The following MAPK14 variants were observed in gnomAD, a reference collection of about 807,000 sequenced individuals.
MAPK14 encodes the protein CSAID-binding protein.
MAPK14 carries 16 observed loss-of-function variants against 49.6 expected under a neutral mutation model. The observed-to-expected ratio is 0.32, with a 90% confidence interval of 0.22 to 0.49. The LOEUF (loss-of-function observed/expected upper bound fraction) is 0.49. MAPK14 is among the 20% of genes least tolerant of loss of function. The pLI is 0.99. For synonymous variants in MAPK14, 142 were observed against 158.0 expected (o/e 0.90, Z 0.76); for missense variants, 200 against 441.2 (o/e 0.45, Z 4.90).
At chr6:36,069,325 A>T (rs959880749) in intron 3 of MAPK14, among the ~76,000 whole-genome samples, 42 of 152,192 alleles carry the variant, frequency 2.8e-4, no homozygotes, top group Non-Finnish European at 1.9e-4. Flanking sequence ...TTCCATAAAC[A>T]ATCAGCAACT....
intron 10 of MAPK14, among the ~76,000 whole-genome samples, chr6:36,104,515 G>A (rs762602828): frequency 5.3e-5 from 8 of 152,096 alleles, no homozygotes; most frequent in Non-Finnish European, 1.0e-4. Context: ...AGCCTCCTGA[G>A]TAGCTGGGAA....
chr6:36,043,410 C>T (rs530798768), intron 1 of MAPK14, among the ~76,000 whole-genome samples: 4 of 152,066 alleles, frequency 2.6e-5, no homozygotes, highest in Non-Finnish European at 2.9e-5. Flanking sequence ...AACTTAAGTT[C>T]CAATTTTTGC....
chr6:36,096,707 GT>G (rs1190941304), intron 9 of MAPK14: 1 of 152,220 alleles, frequency 6.6e-6, no homozygotes, highest in Admixed American at 6.5e-5. Flanking sequence ...CAGGAATGTG[GT>G]TATAAATTTT....
intron 3 of MAPK14, among the ~76,000 whole-genome samples, chr6:36,067,635 T>C (rs1406208485): frequency 1.3e-5 from 2 of 152,190 alleles, no homozygotes; most frequent in East Asian, 3.8e-4. Context: ...AGGGCATCTT[T>C]TAGTAATCTT....
At chr6:36,094,735 C>G (rs1038197594) in intron 8 of MAPK14, among the ~76,000 whole-genome samples, 2 of 152,194 alleles carry the variant, frequency 1.3e-5, no homozygotes, top group African/African-American at 4.8e-5. Context: ...GGTGAAGAGG[C>G]AGAGTGGCCC....
downstream of MAPK14, among the ~76,000 whole-genome samples, chr6:36,111,929 G>A (rs1210502550): frequency 2.6e-5 from 4 of 152,156 alleles, no homozygotes; most frequent in Non-Finnish European, 5.9e-5. Context: ...ACAGTTGGCC[G>A]GGCGTGGTGG....
intron 8 of MAPK14, among the ~76,000 whole-genome samples, chr6:36,080,272 A>G (rs1335873150): frequency 6.6e-6 from 1 of 152,202 alleles, no homozygotes; most frequent in Admixed American, 6.5e-5. Flanking sequence ...ATTCAGCGGC[A>G]TTAATTACAT....
intron 8 of MAPK14, among the ~76,000 whole-genome samples, chr6:36,087,488 G>C (rs995008451): frequency 2.0e-5 from 3 of 152,064 alleles, no homozygotes; most frequent in African/African-American, 7.2e-5. Context: ...TACACCAACA[G>C]TAGGCAAGCA....
Position 36,055,777 on chromosome 6 carries a change from T to TA in MAPK14, c.246+2963dup, listed in dbSNP as rs1175550773. ...CAAAAACCAGTCTCTATTATTATAT[T>TA]AAAAAAAAAAAAAAGAAATGAGAAA... On this transcript the variant is annotated intron_variant, in intron 2 of 11. Transcript: ENST00000229794. Among the ~76,000 whole-genome samples, 704 of 138,680 alleles carry TA rather than the reference T, an allele frequency of 5.1e-3. 5 individuals carry two copies. The highest frequency in any genetic ancestry group is 0.018 in the Middle Eastern group (5 of 272). 91.0% of individuals were successfully genotyped at this position (138,680 alleles called of 152,430 possible). A position where few individuals can be genotyped will look rare whatever the true frequency, so the allele number is the denominator to read the frequency against.
rs41270086 is a variant in MAPK14, at chr6:36,095,945, T to C, written c.683-42T>C. The C allele has an allele frequency of 8.4e-3, 10,307 of 1,231,154 alleles. 54 individuals carry two copies. The highest frequency in any genetic ancestry group is 0.014 in the South Asian group (1,138 of 80,126). The allele number at this position is 1,231,154 out of a possible 1,614,324, so 76.3% of individuals were successfully genotyped here. ...TTGTTTGTCATTGTTTGTTTTTCAT[T>C]TTTATTTTGTCCCAACATTTTCCTT... On this transcript the variant is annotated intron_variant, in intron 8 of 11. Coordinates refer to ENST00000229794, the MANE Select transcript of MAPK14 (RefSeq NM_139012.3).
chr6:36,061,497 A>G (rs762241102), intron 3 of MAPK14, among the ~76,000 whole-genome samples: 141 of 152,356 alleles, frequency 9.3e-4, no homozygotes, highest in Middle Eastern at 6.8e-3. Flanking sequence ...TATTCAATAA[A>G]TACTATGGCT....
At chr6:36,071,880 T>A (rs1764289381) in intron 3 of MAPK14, among the ~76,000 whole-genome samples, 3 of 152,200 alleles carry the variant, frequency 2.0e-5, no homozygotes, top group African/African-American at 7.2e-5. Flanking sequence ...TTCTCTTTTA[T>A]TTTTTGTAGA....
At chr6:36,073,923 G>A in intron 5 of MAPK14, 126 bp from the exon 6 acceptor site, 3 of 882,060 alleles carry the variant, frequency 3.4e-6, no homozygotes, top group Non-Finnish European at 5.6e-6. Context: ...ATTGACTGTA[G>A]GATGGAGATT....
chr6:36,108,525 C>A lies in MAPK14; in HGVS notation c.*78C>A. The A allele has an allele frequency of 1.7e-6, 2 of 1,164,394 alleles. No individual in the cohort carries two copies. The highest frequency in any genetic ancestry group is 2.6e-6 in the Non-Finnish European group (2 of 771,686). 72.1% of individuals were successfully genotyped at this position (1,164,394 alleles called of 1,614,324 possible). Reference sequence around the variant, plus strand: ...TCACGGGAACTCTCCAAATATTATTCAAGTGCCTCTTGTTGCAGAGATTTC... The same window carrying A: ...TCACGGGAACTCTCCAAATATTATTAAAGTGCCTCTTGTTGCAGAGATTTC... On this transcript the variant is annotated 3_prime_UTR_variant, in exon 12 of 12. Transcript: ENST00000229794.
At chr6:36,084,413 G>C (rs1050896267) in intron 8 of MAPK14, among the ~76,000 whole-genome samples, 3 of 152,196 alleles carry the variant, frequency 2.0e-5, no homozygotes, top group Non-Finnish European at 4.4e-5. Flanking sequence ...AGCTAAAGGA[G>C]CATGTTCTAA....
chr6:36,105,405 G>A (rs1765769740), intron 10 of MAPK14, among the ~76,000 whole-genome samples: 1 of 138,894 alleles, frequency 7.2e-6, no homozygotes, highest in Non-Finnish European at 1.6e-5. Context: ...GCCATGCCCA[G>A]CTAATAAGAT....
chr6:36,101,075 C>A (rs1415153114), intron 9 of MAPK14, among the ~76,000 whole-genome samples: 1 of 152,182 alleles, frequency 6.6e-6, no homozygotes, highest in African/African-American at 2.4e-5. Context: ...CTAAAACTTT[C>A]TTTTCAAATC....
intron 8 of MAPK14, among the ~76,000 whole-genome samples, chr6:36,086,776 C>T (rs1018035061): frequency 6.6e-6 from 1 of 152,174 alleles, no homozygotes; most frequent in Non-Finnish European, 1.5e-5. Context: ...GAGGGACTCC[C>T]CTATAACTCA....
chr6:36,037,096 G>A (rs1406219238), intron 1 of MAPK14, among the ~76,000 whole-genome samples: 1 of 152,072 alleles, frequency 6.6e-6, no homozygotes, highest in Non-Finnish European at 1.5e-5. Context: ...TTGACATACT[G>A]CTAGTGCATA....
Sources: gnomAD v4.1 joint callset for allele counts (sites outside exome capture counted in the v4.1 genomes callset) on GRCh38, gnomAD v4.1.1 for gene constraint, MANE v1.5 for transcripts, NCBI Gene and HGNC (gene_info 2026-07-23, HGNC 2026-07-21) for gene names.